The following SYT16 variants were observed in gnomAD, a reference collection of about 807,000 sequenced individuals.
SYT16 encodes synaptotagmin 16.
A neutral mutation model predicts 61.4 loss-of-function variants in SYT16; 42 were observed. That is an observed-to-expected ratio of 0.68 (90% CI 0.53 to 0.89). The LOEUF (loss-of-function observed/expected upper bound fraction) is 0.89, where lower values mean the gene tolerates loss of function less well. Ranked by LOEUF, SYT16 falls within the 40% of genes least tolerant of loss-of-function variation. SYT16 has a pLI of 0.00. For synonymous variants in SYT16, 314 were observed against 302.3 expected (o/e 1.04, Z -0.40); for missense variants, 804 against 807.3 (o/e 1.00, Z 0.05).
intron 2 of SYT16, among the ~76,000 whole-genome samples, chr14:61,988,118 TA>T (rs2052396798): frequency 6.6e-6 from 1 of 152,202 alleles, no homozygotes; most frequent in African/African-American, 2.4e-5. Context: ...TGGGGGCCAG[TA>T]GATGTGCGCC....
At chr14:62,043,380 C>G (rs1464637204) in intron 3 of SYT16, among the ~76,000 whole-genome samples, 10 of 149,262 alleles carry the variant, frequency 6.7e-5, no homozygotes, top group African/African-American at 2.5e-4. Flanking sequence ...TTTAAAAAAT[C>G]AGGAATGGAT....
At chr14:61,882,893 A>G (rs1257695787) in intron 1 of SYT16, among the ~76,000 whole-genome samples, 1 of 152,282 alleles carries the variant, frequency 6.6e-6, no homozygotes, top group Admixed American at 6.5e-5. Flanking sequence ...CCAATAGGCC[A>G]GTCATGAAAT....
At chr14:61,933,085 A>G (rs949949833) in intron 1 of SYT16, among the ~76,000 whole-genome samples, 1 of 152,214 alleles carries the variant, frequency 6.6e-6, no homozygotes, top group Non-Finnish European at 1.5e-5. Flanking sequence ...TCTAGTTGCC[A>G]TGGAAACGCA....
intron 3 of SYT16, among the ~76,000 whole-genome samples, chr14:62,049,035 A>G (rs1441658675): frequency 6.6e-6 from 1 of 152,042 alleles, no homozygotes; most frequent in South Asian, 2.1e-4. Flanking sequence ...TATCCTTGTG[A>G]AATTTCTGTC....
chr14:61,961,125 A>G (rs2610533), intron 1 of SYT16, among the ~76,000 whole-genome samples: 114,894 of 152,074 alleles, frequency 0.76, 43,976 homozygotes, highest in African/African-American at 0.87. Context: ...AACTCAAGAT[A>G]GATTAAAGAC....
intron 3 of SYT16, among the ~76,000 whole-genome samples, chr14:62,035,853 A>T (rs1329984034): frequency 6.6e-6 from 1 of 152,190 alleles, no homozygotes; most frequent in African/African-American, 2.4e-5. Context: ...ATGCTTTTCC[A>T]TGTTAGATGC....
chr14:61,963,726 G>C (rs1447991313), intron 1 of SYT16, among the ~76,000 whole-genome samples: 1 of 152,162 alleles, frequency 6.6e-6, no homozygotes, highest in East Asian at 1.9e-4. Flanking sequence ...GGAAGAAGAG[G>C]CCACCTAGGA....
chr14:61,874,259 A>G (rs2047418348), intron 1 of SYT16, among the ~76,000 whole-genome samples: 1 of 152,222 alleles, frequency 6.6e-6, no homozygotes, highest in Admixed American at 6.5e-5. Flanking sequence ...ACCTGGAAAT[A>G]CAGTTGACCC....
intron 1 of SYT16, among the ~76,000 whole-genome samples, chr14:61,907,092 T>G (rs1270605753): frequency 1.3e-5 from 2 of 152,244 alleles, no homozygotes; most frequent in Non-Finnish European, 2.9e-5. Flanking sequence ...TCATTGCAAC[T>G]GAAAGAACTG....
chr14:61,975,471 G>A (rs1477139308), intron 2 of SYT16, among the ~76,000 whole-genome samples: 2 of 152,198 alleles, frequency 1.3e-5, no homozygotes, highest in African/African-American at 4.8e-5. Flanking sequence ...CAGCATGTCT[G>A]TAGAGGTCTC....
chr14:62,008,996 C>T (rs1438482486), intron 3 of SYT16, among the ~76,000 whole-genome samples: 1 of 152,098 alleles, frequency 6.6e-6, no homozygotes, highest in Non-Finnish European at 1.5e-5. Flanking sequence ...TATTCTACAC[C>T]TCCTTCTTAA....
intron 1 of SYT16, among the ~76,000 whole-genome samples, chr14:61,901,512 A>G (rs895038421): frequency 4.6e-5 from 7 of 152,084 alleles, no homozygotes; most frequent in Non-Finnish European, 1.0e-4. Context: ...ACCCTTAAGT[A>G]GTCTTGATTT....
chr14:61,986,892 C>G (rs913054729), intron 2 of SYT16, among the ~76,000 whole-genome samples: 1 of 152,124 alleles, frequency 6.6e-6, no homozygotes, highest in Non-Finnish European at 1.5e-5. Flanking sequence ...ATGGCCTATT[C>G]TATGGTAGTC....
At chr14:62,055,200 C>A (rs1419106354) in intron 3 of SYT16, among the ~76,000 whole-genome samples, 3 of 152,156 alleles carry the variant, frequency 2.0e-5, no homozygotes, top group Non-Finnish European at 4.4e-5. Context: ...ACAGTCTTGG[C>A]CATTCATTTG....
intron 7 of SYT16, among the ~76,000 whole-genome samples, chr14:62,091,604 A>C (rs1015116235): frequency 1.3e-5 from 2 of 152,182 alleles, no homozygotes; most frequent in African/African-American, 4.8e-5. Context: ...TCAAAGGGAA[A>C]AGGATAGTCT....
chr14:62,008,671 A>G (rs2053322835), intron 3 of SYT16, among the ~76,000 whole-genome samples: 1 of 149,956 alleles, frequency 6.7e-6, no homozygotes, highest in Non-Finnish European at 1.5e-5. Flanking sequence ...GTAACTGTAA[A>G]CTACATATAA....
intron 6 of SYT16, 36 bp from the exon 7 acceptor site, chr14:62,084,160 T>A (rs375045649): frequency 6.2e-7 from 1 of 1,603,232 alleles, no homozygotes; most frequent in Non-Finnish European, 8.5e-7. Flanking sequence ...TAGTGCAGCG[T>A]GGGCCAATGG....
rs1378721111 is a variant in SYT16, at chr14:61,858,127, A to G, written c.-325+45317A>G. Among the ~76,000 whole-genome samples, 5 of 122,088 alleles carry G rather than the reference A, an allele frequency of 4.1e-5. No individual in the cohort carries two copies. The East Asian group carries it at 8.0e-4, about 20-fold the overall frequency. 80.1% of individuals were successfully genotyped at this position (122,088 alleles called of 152,430 possible). A position where few individuals can be genotyped will look rare whatever the true frequency, so the allele number is the denominator to read the frequency against. On this transcript the variant is annotated intron_variant, in intron 1 of 7. Transcript: ENST00000683842. Reference sequence around the variant, plus strand: ...AGGAAAGGCACAGCTTGGCAAAAAAAAAAAAAAAAAAAAAAAGAAAGAAAA... The same window carrying G: ...AGGAAAGGCACAGCTTGGCAAAAAAGAAAAAAAAAAAAAAAAGAAAGAAAA...
rs2057528309 is a variant in SYT16, at chr14:62,107,138, A to G, written c.*6431A>G. The G allele has an allele frequency of 6.6e-6, 1 of 151,578 alleles. No individual in the cohort carries two copies. The highest frequency in any genetic ancestry group is 2.1e-4 in the South Asian group (1 of 4,806). 9.4% of individuals were successfully genotyped at this position (151,578 alleles called of 1,614,324 possible). ...GTTTTATACAAAATTTATTCATTCA[A>G]AAAGATCTTTATAGGTTGGGCATGG... On this transcript the variant is annotated 3_prime_UTR_variant, in exon 8 of 8. Transcript: ENST00000683842.
Sources: allele counts gnomAD v4.1 joint callset (sites outside exome capture counted in the v4.1 genomes callset), GRCh38; gene constraint gnomAD v4.1.1; transcripts MANE v1.5; gene names NCBI Gene and HGNC (gene_info 2026-07-23, HGNC 2026-07-21).